Variants in GABBR2 observed in about 807,000 individuals in gnomAD.
The protein encoded by GABBR2 is gamma-aminobutyric acid type B receptor subunit 2.
In GABBR2, 23 loss-of-function variants were observed where a neutral mutation model predicts 105.6. The observed-to-expected ratio is 0.22, with a 90% CI of 0.16 to 0.31. The LOEUF (loss-of-function observed/expected upper bound fraction) is 0.31. Among genes scored for constraint, GABBR2 ranks in the 10% least tolerant of loss-of-function variants. GABBR2 has a pLI of 1.00. For synonymous variants in GABBR2, 478 were observed against 499.7 expected, an observed-to-expected ratio of 0.96 and a Z score of 0.58; for missense variants, 734 against 1,245.5, an observed-to-expected ratio of 0.59 and a Z score of 6.18.
intron 1 of GABBR2, among the ~76,000 whole-genome samples, chr9:98,609,786 G>A (rs1052270011): frequency 1.3e-5 from 2 of 152,190 alleles, no homozygotes; most frequent in East Asian, 3.9e-4. Context: ...CAAAGTCTTT[G>A]TGATGCCCCG....
intron 1 of GABBR2, among the ~76,000 whole-genome samples, chr9:98,619,102 T>C (rs1201149804): frequency 2.0e-5 from 3 of 152,198 alleles, no homozygotes; most frequent in Non-Finnish European, 4.4e-5. Flanking sequence ...TTAGAAGTTA[T>C]ATATTTTCAA....
intron 1 of GABBR2, among the ~76,000 whole-genome samples, chr9:98,593,699 C>G (rs185743245): frequency 1.3e-5 from 2 of 152,176 alleles, no homozygotes; most frequent in Admixed American, 6.5e-5. Flanking sequence ...TCCTAGCACA[C>G]GGGCCAGAGC....
chr9:98,696,113 G>A (rs923141576), intron 1 of GABBR2, among the ~76,000 whole-genome samples: 13 of 152,214 alleles, frequency 8.5e-5, no homozygotes, highest in Non-Finnish European at 1.6e-4. Context: ...GCAGTAGAAA[G>A]GAAAGTTCAT....
In GABBR2 at chr9:98,689,780, G is replaced by A. The variant is rs117566568; in HGVS notation, c.321+18637C>T. ...ACATATACCATACAAAGATCTGAAC[G>A]CTTTTAAATTGGTTTCTTATACACA... is the stretch of plus-strand genomic sequence containing the variant. On this transcript the variant is annotated intron_variant, in intron 1 of 18. Transcript: ENST00000259455. Among the ~76,000 whole-genome samples the A allele has an allele frequency of 3.5e-3, 537 of 152,200 alleles. 10 individuals carry two copies. The East Asian group carries it at 0.039, about 11-fold the overall frequency.
At chr9:98,692,705 T>G (rs966243506) in intron 1 of GABBR2, among the ~76,000 whole-genome samples, 1 of 152,216 alleles carries the variant, frequency 6.6e-6, no homozygotes, top group Non-Finnish European at 1.5e-5. Context: ...CAGCTCACCA[T>G]GCAGATCCAC....
intron 1 of GABBR2, among the ~76,000 whole-genome samples, chr9:98,695,523 C>T (rs955833123): frequency 2.3e-4 from 35 of 152,198 alleles, no homozygotes; most frequent in African/African-American, 8.2e-4. Flanking sequence ...ACACAGATCA[C>T]AACTTCTTCA....
intron 7 of GABBR2, among the ~76,000 whole-genome samples, chr9:98,408,374 G>A (rs1832526341): frequency 6.6e-6 from 1 of 152,214 alleles, no homozygotes; most frequent in South Asian, 2.1e-4. Context: ...ACACGGATGT[G>A]TAACTGACTA....
At chr9:98,521,360 T>C (rs1827862610) in intron 3 of GABBR2, among the ~76,000 whole-genome samples, 1 of 152,112 alleles carries the variant, frequency 6.6e-6, no homozygotes, top group African/African-American at 2.4e-5. Flanking sequence ...CCTCACAGCC[T>C]CTGATGGGTG....
In GABBR2 at chr9:98,708,813, C is replaced by A; in HGVS notation, c.-76G>T. 1 of 895,876 alleles carries A rather than the reference C, an allele frequency of 1.1e-6. No homozygotes were observed. Among genetic ancestry groups the A allele is most frequent in the African/African-American group, 1.8e-5 (1 of 55,186 alleles). 55.5% of individuals were successfully genotyped at this position (895,876 alleles called of 1,614,324 possible). ...CCGGCCCGCCGCCCCGCGCCAAGGT[C>A]TTCCCGCGGCGCCCGCGCAATGGCG... On this transcript the variant is annotated 5_prime_UTR_variant, in exon 1 of 19. Coordinates refer to ENST00000259455, the MANE Select transcript of GABBR2 (RefSeq NM_005458.8).
intron 7 of GABBR2, among the ~76,000 whole-genome samples, chr9:98,429,516 G>A (rs549993887): frequency 2.6e-4 from 40 of 152,238 alleles, no homozygotes; most frequent in Non-Finnish European, 5.4e-4. Context: ...ACCTCGCTAC[G>A]TACATGCCTT....
At chr9:98,415,995 G>C (rs1448587852) in intron 7 of GABBR2, among the ~76,000 whole-genome samples, 3 of 152,190 alleles carry the variant, frequency 2.0e-5, no homozygotes, top group African/African-American at 7.2e-5. Flanking sequence ...AGAGGAGGAG[G>C]AAAGATAGGT....
chr9:98,594,344 G>A (rs1422064941), intron 1 of GABBR2, among the ~76,000 whole-genome samples: 4 of 152,332 alleles, frequency 2.6e-5, no homozygotes, highest in South Asian at 4.1e-4. Flanking sequence ...CACTGCCTGC[G>A]CAGGGGGTGA....
chr9:98,466,070 T>G (rs1385633639), intron 6 of GABBR2, among the ~76,000 whole-genome samples: 3 of 152,254 alleles, frequency 2.0e-5, no homozygotes, highest in African/African-American at 4.8e-5. Context: ...GCTCCAGACA[T>G]GCCTGCTTCC....
At chr9:98,438,755 G>C (rs1360134858) in intron 7 of GABBR2, among the ~76,000 whole-genome samples, 2 of 152,114 alleles carry the variant, frequency 1.3e-5, no homozygotes, top group Non-Finnish European at 2.9e-5. Context: ...TGAGGTGAAA[G>C]GGCATTAAAC....
chr9:98,479,278 G>A (rs866413497), intron 5 of GABBR2, among the ~76,000 whole-genome samples: 66 of 152,266 alleles, frequency 4.3e-4, no homozygotes, highest in African/African-American at 1.5e-3. Context: ...AAAAAAAGAT[G>A]GCTGGTATCT....
At chr9:98,430,789 TC>T (rs1358507515) in intron 7 of GABBR2, among the ~76,000 whole-genome samples, 1 of 152,004 alleles carries the variant, frequency 6.6e-6, no homozygotes, top group Admixed American at 6.6e-5. Context: ...CTGTTTGGGT[TC>T]CCCCTTCCTG....
intron 8 of GABBR2, among the ~76,000 whole-genome samples, chr9:98,394,567 T>C (rs1268187829): frequency 6.6e-6 from 1 of 152,224 alleles, no homozygotes; most frequent in Non-Finnish European, 1.5e-5. Context: ...AGCTGAAATG[T>C]TTCCCTGTAA....
intron 9 of GABBR2, among the ~76,000 whole-genome samples, chr9:98,393,054 CCA>C (rs1162945269): frequency 1.4e-5 from 2 of 147,528 alleles, no homozygotes. Flanking sequence ...ATCCATCCAT[CCA>C]TCCATCCATC....
intron 6 of GABBR2, among the ~76,000 whole-genome samples, chr9:98,472,446 C>T (rs1826702965): frequency 6.6e-6 from 1 of 152,230 alleles, no homozygotes; most frequent in Non-Finnish European, 1.5e-5. Context: ...AGGTCCTGCT[C>T]ACAGTCGTGA....
Sources: allele counts gnomAD v4.1 joint callset (sites outside exome capture counted in the v4.1 genomes callset), GRCh38; gene constraint gnomAD v4.1.1; transcripts MANE v1.5; gene names NCBI Gene and HGNC (gene_info 2026-07-23, HGNC 2026-07-21).